Variants in NRXN1 observed in about 807,000 individuals in gnomAD.
NRXN1 encodes neurexin 1, also known as neurexin-1.
A neutral mutation model predicts 150.9 loss-of-function variants in NRXN1; 39 were observed. That is an observed-to-expected ratio of 0.26 (90% confidence interval 0.20 to 0.34). The LOEUF (loss-of-function observed/expected upper bound fraction) is 0.34, where lower values mean the gene tolerates loss of function less well. NRXN1 is among the 10% of genes least tolerant of loss of function. The pLI is 1.00. For missense variants in NRXN1, 1,815 were observed against 1,949.9 expected (o/e 0.93, Z 1.30); for synonymous variants, 924 against 757.0 (o/e 1.22, Z -3.62).
intron 18 of NRXN1, among the ~76,000 whole-genome samples, chr2:50,150,679 T>G (rs2058645026): frequency 6.6e-6 from 1 of 151,754 alleles, no homozygotes; most frequent in African/African-American, 2.4e-5. Flanking sequence ...TATTTTTTTG[T>G]TTCTACTCAG....
intron 21 of NRXN1, among the ~76,000 whole-genome samples, chr2:50,050,603 C>T (rs1169946529): frequency 2.0e-5 from 3 of 151,968 alleles, no homozygotes; most frequent in Non-Finnish European, 2.9e-5. Context: ...TTCATCCAAC[C>T]TGTAAAAATA....
At chr2:50,136,455 C>T (rs12468342) in intron 18 of NRXN1, among the ~76,000 whole-genome samples, 28,691 of 152,008 alleles carry the variant, frequency 0.19, 3,194 homozygotes, top group East Asian at 0.37. Context: ...TAATTTTGTA[C>T]TTCATTTAAT....
At chr2:50,063,257 C>A (rs894516077) in intron 19 of NRXN1, among the ~76,000 whole-genome samples, 1 of 152,064 alleles carries the variant, frequency 6.6e-6, no homozygotes, top group Non-Finnish European at 1.5e-5. Flanking sequence ...ATATCGACAC[C>A]TTTTGAGAAA....
intron 17 of NRXN1, among the ~76,000 whole-genome samples, chr2:50,367,766 G>C (rs2079696333): frequency 1.3e-5 from 2 of 151,974 alleles, no homozygotes. Flanking sequence ...AAGCAACAAT[G>C]TGCACAACTT....
chr2:49,957,335 A>G (rs549800447), intron 21 of NRXN1, among the ~76,000 whole-genome samples: 1 of 152,286 alleles, frequency 6.6e-6, no homozygotes, highest in South Asian at 2.1e-4. Flanking sequence ...TAGCTGGTAT[A>G]TGGAAGATAT....
chr2:50,431,437 T>C (rs539862984), intron 17 of NRXN1, among the ~76,000 whole-genome samples: 76 of 152,314 alleles, frequency 5.0e-4, no homozygotes, highest in African/African-American at 1.7e-3. Context: ...TTGCCTGAGA[T>C]TGGGCATTTT....
At chr2:50,913,792 T>C (rs1001777177) in intron 5 of NRXN1, among the ~76,000 whole-genome samples, 9 of 151,718 alleles carry the variant, frequency 5.9e-5, no homozygotes, top group Admixed American at 2.6e-4. Context: ...TTTTGTGCAA[T>C]AGGCATTTAT....
chr2:49,963,039 G>A (rs185827764), intron 21 of NRXN1, among the ~76,000 whole-genome samples: 93 of 151,792 alleles, frequency 6.1e-4, no homozygotes, highest in East Asian at 2.5e-3. Context: ...GAAATATCAC[G>A]GATTCACTAA....
At chr2:50,501,281 A>G (rs2091924265) in intron 13 of NRXN1, among the ~76,000 whole-genome samples, 2 of 152,122 alleles carry the variant, frequency 1.3e-5, no homozygotes, top group Non-Finnish European at 2.9e-5. Context: ...AGTGACCCAC[A>G]TGGGATTGAA....
intron 8 of NRXN1, among the ~76,000 whole-genome samples, chr2:50,612,251 G>GTAT (rs80187190): frequency 0.52 from 79,054 of 151,634 alleles, 21,440 homozygotes; most frequent in South Asian, 0.7. Context: ...CATGCTTAGA[G>GTAT]TATTACCTTT....
At chr2:50,190,978 A>G (rs1418843005) in intron 18 of NRXN1, among the ~76,000 whole-genome samples, 1 of 152,112 alleles carries the variant, frequency 6.6e-6, no homozygotes, top group East Asian at 1.9e-4. Context: ...ATTTTGAAAT[A>G]CAGAATCACA....
intron 2 of NRXN1, among the ~76,000 whole-genome samples, chr2:50,963,588 AT>A (rs1231543617): frequency 6.6e-6 from 1 of 151,690 alleles, no homozygotes; most frequent in East Asian, 1.9e-4. Context: ...GACACAGAGA[AT>A]TCTTCAGCAG....
chr2:50,246,130 T>G (rs1359288797), intron 17 of NRXN1, among the ~76,000 whole-genome samples: 4 of 151,986 alleles, frequency 2.6e-5, no homozygotes, highest in African/African-American at 9.7e-5. Context: ...CTATCCTGAA[T>G]CTTTAAAAGG....
In NRXN1 at chr2:50,305,040, A is replaced by C. The variant is rs2074492811; in HGVS notation, c.3365-68070T>G. On this transcript the variant is annotated intron_variant, in intron 17 of 22. Transcript: ENST00000401669. ...GGGAGGCAGAGGGTGTAGTGAGCCAAGATTGCTCCACTGCACTCCAGCCTG... is the reference window on the plus strand; with the variant it reads ...GGGAGGCAGAGGGTGTAGTGAGCCACGATTGCTCCACTGCACTCCAGCCTG... Among the ~76,000 whole-genome samples, 10 of 152,240 alleles carry C rather than the reference A, an allele frequency of 6.6e-5. No homozygotes were observed. The South Asian group carries it at 2.1e-3, about 32-fold the overall frequency.
chr2:50,145,859 T>G (rs746143810), intron 18 of NRXN1, among the ~76,000 whole-genome samples: 1 of 151,654 alleles, frequency 6.6e-6, no homozygotes, highest in African/African-American at 2.4e-5. Context: ...GCTCAATTGA[T>G]TTTTACTTCT....
At chr2:50,694,379 T>C (rs1332936436) in intron 5 of NRXN1, among the ~76,000 whole-genome samples, 1 of 152,174 alleles carries the variant, frequency 6.6e-6, no homozygotes, top group Non-Finnish European at 1.5e-5. Flanking sequence ...GGTGAATATA[T>C]AATAGTTGGA....
chr2:50,400,833 T>C (rs2082344988), intron 17 of NRXN1, among the ~76,000 whole-genome samples: 1 of 152,214 alleles, frequency 6.6e-6, no homozygotes, highest in South Asian at 2.1e-4. Flanking sequence ...AAACTGAAGA[T>C]ATGAATATGT....
chr2:50,647,975 A>T (rs1279491972), intron 5 of NRXN1, among the ~76,000 whole-genome samples: 3 of 151,908 alleles, frequency 2.0e-5, no homozygotes, highest in Non-Finnish European at 4.4e-5. Flanking sequence ...ACAGACCAAA[A>T]TGATATCATG....
At chr2:50,720,845 C>T (rs1371652043) in intron 5 of NRXN1, among the ~76,000 whole-genome samples, 1 of 152,134 alleles carries the variant, frequency 6.6e-6, no homozygotes, top group Non-Finnish European at 1.5e-5. Context: ...TTCCCTCTCC[C>T]ACCCCATCAC....
Sources: allele counts gnomAD v4.1 joint callset (sites outside exome capture counted in the v4.1 genomes callset), GRCh38; gene constraint gnomAD v4.1.1; transcripts MANE v1.5; gene names NCBI Gene and HGNC (gene_info 2026-07-23, HGNC 2026-07-21).